Variants in C12orf56 observed in about 807,000 individuals in gnomAD.
C12orf56 encodes uncharacterized protein C12orf56.
In C12orf56, 71 loss-of-function variants were observed where a neutral mutation model predicts 69.9. That is an observed-to-expected ratio of 1.02 (90% confidence interval 0.84 to 1.24). The LOEUF is 1.24. Ranked by LOEUF, C12orf56 falls within the 50% of genes most tolerant of loss-of-function variation. The pLI, the probability that C12orf56 is intolerant of heterozygous loss-of-function variation, is 0.00. For missense variants in C12orf56, 732 were observed against 738.5 expected (o/e 0.99, Z 0.10); for synonymous variants, 276 against 274.1 (o/e 1.01, Z -0.07).
chr12:64,298,155 C>CAT (rs200916316), intron 6 of C12orf56, among the ~76,000 whole-genome samples: 106,056 of 151,230 alleles, frequency 0.7, 38,340 homozygotes, highest in Non-Finnish European at 0.79. Context: ...AGCTTTTTTT[C>CAT]ATGTTTGTTG....
chr12:64,378,105 A>G (rs1464649364), intron 1 of C12orf56, among the ~76,000 whole-genome samples: 1 of 152,266 alleles, frequency 6.6e-6, no homozygotes, highest in Non-Finnish European at 1.5e-5. Context: ...ACTGGCATAC[A>G]GTAAGCACTC....
At chr12:64,366,360 C>T (rs1365155298) in intron 1 of C12orf56, among the ~76,000 whole-genome samples, 9 of 86,688 alleles carry the variant, frequency 1.0e-4, no homozygotes, top group Non-Finnish European at 1.7e-4. Context: ...ATATTATATA[C>T]AGTTTATATA....
intron 1 of C12orf56, among the ~76,000 whole-genome samples, chr12:64,358,479 A>ATCATCATCATCATCATCATC (rs1565773423): frequency 6.4e-4 from 16 of 25,078 alleles, no homozygotes; most frequent in Middle Eastern, 0.033. Flanking sequence ...TAATAATAAT[A>ATCATCATCATCATCATCATC]ATAATCATCA....
At chr12:64,380,342 A>G (rs2039703765) in intron 1 of C12orf56, among the ~76,000 whole-genome samples, 1 of 152,080 alleles carries the variant, frequency 6.6e-6, no homozygotes, top group Admixed American at 6.6e-5. Flanking sequence ...ATAAGGAAAT[A>G]TCAACTCCTT....
rs1218310064 is a variant in C12orf56, at chr12:64,390,312, A to G, written c.252+2T>C. The G allele has an allele frequency of 2.1e-5, 34 of 1,605,766 alleles. No homozygotes were observed. Among genetic ancestry groups the G allele is most frequent in the Non-Finnish European group, 2.8e-5 (33 of 1,177,472 alleles). Reference sequence around the variant, plus strand: ...GCCCGCCTGCCCACCCGCGCCGCTCACCAGGTCAATGGCCACGACGTCCCG... The same window carrying G: ...GCCCGCCTGCCCACCCGCGCCGCTCGCCAGGTCAATGGCCACGACGTCCCG... On this transcript the variant is annotated splice_donor_variant, in intron 1 of 12. Transcript: ENST00000543942. LOFTEE classifies it high-confidence loss of function.
At chr12:64,320,139 A>C (rs1047399638) in intron 3 of C12orf56, among the ~76,000 whole-genome samples, 2 of 152,210 alleles carry the variant, frequency 1.3e-5, no homozygotes, top group Non-Finnish European at 2.9e-5. Context: ...AATGGAGCTG[A>C]ACACTAGTTA....
chr12:64,329,419 T>C (rs1212355093), intron 3 of C12orf56, among the ~76,000 whole-genome samples: 1 of 151,942 alleles, frequency 6.6e-6, no homozygotes, highest in Non-Finnish European at 1.5e-5. Context: ...CTAATGACTT[T>C]CCACCAATCT....
chr12:64,271,760 G>T (rs934582198), intron 11 of C12orf56, among the ~76,000 whole-genome samples: 1 of 152,176 alleles, frequency 6.6e-6, no homozygotes, highest in Non-Finnish European at 1.5e-5. Context: ...AGAGTCTGAG[G>T]CAGTAGAACA....
chr12:64,361,111 C>T (rs1189091659), intron 1 of C12orf56, among the ~76,000 whole-genome samples: 2 of 152,050 alleles, frequency 1.3e-5, no homozygotes, highest in East Asian at 3.9e-4. Flanking sequence ...CCCATCTACT[C>T]AGGAGGCTGA....
At chr12:64,367,416 A>T (rs2039512473) in intron 1 of C12orf56, among the ~76,000 whole-genome samples, 1 of 149,300 alleles carries the variant, frequency 6.7e-6, no homozygotes. Flanking sequence ...CTATGGGTCT[A>T]AAAATAAAAT....
intron 8 of C12orf56, among the ~76,000 whole-genome samples, chr12:64,283,732 C>T (rs1053579336): frequency 4.6e-5 from 7 of 151,444 alleles, no homozygotes; most frequent in Non-Finnish European, 1.0e-4. Flanking sequence ...TCAAGGTCAG[C>T]CAGCTTACAC....
Position 64,284,692 on chromosome 12 carries a change from A to G in C12orf56, c.1282T>C (p.Ser428Pro), listed in dbSNP as rs1296406170. The change falls in exon 8 of 13, where the codon TCA becomes CCA. Residue 428 changes from serine to proline, a missense_variant. Coordinates refer to ENST00000543942, the MANE Select transcript of C12orf56 (RefSeq NM_001170633.2). ...TTAGCTGCCAATGTGTTCAGGCGTG[A>G]TGACTCGGTTTCTGTTTCTCTGAAC... ...LMFRETETES[S>P]RLNTLAAKKG... The G allele has an allele frequency of 1.2e-6, 2 of 1,612,532 alleles. No homozygotes were observed. The highest frequency in any genetic ancestry group is 3.3e-5 in the Admixed American group (2 of 59,840).
chr12:64,345,066 T>C (rs2039122490), intron 2 of C12orf56, among the ~76,000 whole-genome samples: 1 of 152,202 alleles, frequency 6.6e-6, no homozygotes, highest in Admixed American at 6.5e-5. Flanking sequence ...TTCCCATGTC[T>C]GTTCTCCAGA....
At chr12:64,368,821 T>C (rs575868424) in intron 1 of C12orf56, among the ~76,000 whole-genome samples, 1 of 152,282 alleles carries the variant, frequency 6.6e-6, no homozygotes, top group East Asian at 1.9e-4. Flanking sequence ...CAGTGTGACT[T>C]CAGTCAAGTC....
chr12:64,306,205 A>G (rs1238781854), intron 5 of C12orf56, among the ~76,000 whole-genome samples: 1 of 152,208 alleles, frequency 6.6e-6, no homozygotes, highest in Non-Finnish European at 1.5e-5. Flanking sequence ...CAGAAAAGTT[A>G]TGAATAATAA....
intron 8 of C12orf56, among the ~76,000 whole-genome samples, chr12:64,282,836 T>A (rs1592416616): frequency 6.7e-6 from 1 of 149,886 alleles, no homozygotes; most frequent in Non-Finnish European, 1.5e-5. Flanking sequence ...AGTGAGCAAG[T>A]GTACTTAAGA....
intron 6 of C12orf56, among the ~76,000 whole-genome samples, chr12:64,303,405 T>C (rs1419749620): frequency 6.6e-6 from 1 of 150,648 alleles, no homozygotes; most frequent in Non-Finnish European, 1.5e-5. Flanking sequence ...TGGCAGCTAC[T>C]TTTTGCTACC....
In C12orf56 at chr12:64,390,317, G is replaced by A; in HGVS notation, c.249C>T (p.Asp83=). 6.2e-7 allele frequency: 1 copy of A among 1,608,160 alleles called. No homozygotes were observed. Among genetic ancestry groups the A allele is most frequent in the Non-Finnish European group, 8.5e-7 (1 of 1,178,568 alleles). The change falls in exon 1 of 13, where the codon GAC becomes GAT. Residue 83 remains aspartate (D), a synonymous_variant. Transcript: ENST00000543942. ...CCTGCCCACCCGCGCCGCTCACCAG[G>A]TCAATGGCCACGACGTCCCGCAGAG... ...VVALRDVVAI[D]LIDDYPEFLS...
intron 2 of C12orf56, among the ~76,000 whole-genome samples, chr12:64,349,502 A>G (rs2039193030): frequency 6.6e-6 from 1 of 152,200 alleles, no homozygotes; most frequent in African/African-American, 2.4e-5. Context: ...CAGCAATCCC[A>G]CTGCTGGACA....
Sources: gnomAD v4.1 joint callset for allele counts (sites outside exome capture counted in the v4.1 genomes callset) on GRCh38, gnomAD v4.1.1 for gene constraint, MANE v1.5 for transcripts, NCBI Gene and HGNC (gene_info 2026-07-23, HGNC 2026-07-21) for gene names.